DNAH7: variants seen among roughly 807,000 people sequenced by gnomAD.
DNAH7 encodes the protein dynein axonemal heavy chain 7.
In DNAH7, 397 loss-of-function variants were observed where a neutral mutation model predicts 444.6. That is an observed-to-expected ratio of 0.89 (90% CI 0.82 to 0.97). The LOEUF (loss-of-function observed/expected upper bound fraction) is 0.97. DNAH7 is among the 50% of genes least tolerant of loss of function. DNAH7 has a pLI of 0.00. For missense variants in DNAH7, 4,902 were observed against 4,800.8 expected, an observed-to-expected ratio of 1.02 and a Z score of -0.62; for synonymous variants, 1,636 against 1,624.4, an observed-to-expected ratio of 1.01 and a Z score of -0.17.
At chr2:195,956,253 T>C (rs1232844781) in intron 19 of DNAH7, among the ~76,000 whole-genome samples, 1 of 152,182 alleles carries the variant, frequency 6.6e-6, no homozygotes, top group Non-Finnish European at 1.5e-5. Context: ...TTATATTTTA[T>C]CAAAATACCA....
chr2:195,956,639 A>G (rs973900106), intron 19 of DNAH7, among the ~76,000 whole-genome samples: 3 of 139,228 alleles, frequency 2.2e-5, no homozygotes, highest in Admixed American at 2.1e-4. Flanking sequence ...TGACAGAGCG[A>G]GACTCTGTCT....
At chr2:195,936,272 G>A (rs1251950616) in intron 20 of DNAH7, among the ~76,000 whole-genome samples, 1 of 152,148 alleles carries the variant, frequency 6.6e-6, no homozygotes, top group Non-Finnish European at 1.5e-5. Flanking sequence ...TACTCGGGAA[G>A]CTGAGGCAGA....
intron 51 of DNAH7, among the ~76,000 whole-genome samples, chr2:195,813,729 T>A (rs1179541087): frequency 6.6e-6 from 1 of 152,244 alleles, no homozygotes; most frequent in Non-Finnish European, 1.5e-5. Flanking sequence ...TCTCTGATTA[T>A]GTGTCATGTT....
At chr2:195,886,841 A>T (rs901310213) in intron 33 of DNAH7, among the ~76,000 whole-genome samples, 2 of 152,198 alleles carry the variant, frequency 1.3e-5, no homozygotes, top group African/African-American at 2.4e-5. Context: ...GCAAGTTCTC[A>T]TAGGCGTTTG....
chr2:196,005,338 CAAG>C (rs919576500), intron 10 of DNAH7, among the ~76,000 whole-genome samples: 1 of 150,370 alleles, frequency 6.7e-6, no homozygotes, highest in Non-Finnish European at 1.5e-5. Context: ...AAACTCAAAA[CAAG>C]AAGGAGAAGG....
At chr2:195,884,888 GC>G in intron 34 of DNAH7, 79 bp from the exon 35 acceptor site, 1 of 1,165,710 alleles carries the variant, frequency 8.6e-7, no homozygotes, top group Non-Finnish European at 1.2e-6. Context: ...TATCAGATCA[GC>G]CAGATTAGTA....
At chr2:195,959,990 TACAGAAGTTA>T (rs1433178231) in intron 18 of DNAH7, among the ~76,000 whole-genome samples, 12 of 152,190 alleles carry the variant, frequency 7.9e-5, no homozygotes, top group Non-Finnish European at 2.9e-5. Context: ...TTGTTATGAA[TACAGAAGTTA>T]ACAAACCATT....
At chr2:196,049,354 T>C (rs1188240156) in intron 3 of DNAH7, among the ~76,000 whole-genome samples, 1 of 152,144 alleles carries the variant, frequency 6.6e-6, no homozygotes, top group Admixed American at 6.5e-5. Flanking sequence ...TTCTCAACTC[T>C]CGTCTTGCTC....
chr2:195,842,736 G>A (rs990455095), intron 47 of DNAH7, among the ~76,000 whole-genome samples: 7 of 152,056 alleles, frequency 4.6e-5, no homozygotes, highest in African/African-American at 1.2e-4. Flanking sequence ...TGAGTGTGCT[G>A]TCTTGAAAAA....
At chr2:196,036,673 C>T (rs1402023652) in intron 5 of DNAH7, among the ~76,000 whole-genome samples, 1 of 151,988 alleles carries the variant, frequency 6.6e-6, no homozygotes, top group Non-Finnish European at 1.5e-5. Context: ...TGCCCACCTG[C>T]CCTACCCTGG....
In DNAH7 at chr2:196,012,796, A is replaced by C; in HGVS notation, c.980T>G (p.Leu327Arg). Residue 327 changes from leucine to arginine, a missense_variant, in exon 10 of 65, where the codon CTA becomes CGA. Coordinates refer to ENST00000312428, the MANE Select transcript of DNAH7 (RefSeq NM_018897.3). ...AATTTCAAACCTTTACATTTTAAGTAGAGTCTCTTTGGCAGAGTCCATGTG... is the reference window on the plus strand; with the variant it reads ...AATTTCAAACCTTTACATTTTAAGTCGAGTCTCTTTGGCAGAGTCCATGTG... Reference protein sequence around the residue: ...MRHMDSAKETLLKMWFPEVQN... With the variant: ...MRHMDSAKETRLKMWFPEVQN... 1 of 1,599,912 alleles carries C rather than the reference A, an allele frequency of 6.3e-7. No individual in the cohort carries two copies. Among genetic ancestry groups the C allele is most frequent in the South Asian group, 1.1e-5 (1 of 88,676 alleles).
At chr2:195,790,759 A>AC (rs1344880576) in intron 57 of DNAH7, among the ~76,000 whole-genome samples, 52 of 152,154 alleles carry the variant, frequency 3.4e-4, no homozygotes, top group Admixed American at 3.4e-3. Context: ...CCAAGGAAAT[A>AC]CCCTTCTCAA....
intron 58 of DNAH7, among the ~76,000 whole-genome samples, chr2:195,781,569 G>A (rs1326028079): frequency 1.3e-5 from 2 of 152,102 alleles, no homozygotes; most frequent in South Asian, 2.1e-4. Context: ...CAAGAGGGTT[G>A]AGACAATGAG....
chr2:195,970,146 G>A, intron 16 of DNAH7, 52 bp from the exon 17 acceptor site: 1 of 1,518,222 alleles, frequency 6.6e-7, no homozygotes, highest in East Asian at 2.4e-5. Flanking sequence ...ACCCCTTGCT[G>A]TCAAAAAATT....
intron 61 of DNAH7, among the ~76,000 whole-genome samples, chr2:195,767,632 TTAAAAA>T (rs1315842968): frequency 1.3e-5 from 2 of 152,000 alleles, no homozygotes; most frequent in African/African-American, 2.4e-5. Flanking sequence ...AATAATTAAA[TTAAAAA>T]TAAAGTTAAG....
At chr2:195,986,951 C>G in intron 14 of DNAH7, 115 bp downstream of exon 14, 2 of 946,706 alleles carry the variant, frequency 2.1e-6, no homozygotes, top group South Asian at 5.2e-5. Flanking sequence ...TTAGCATAAT[C>G]ATTTCTTTGG....
At chr2:195,970,971 C>T (rs957538787) in intron 16 of DNAH7, among the ~76,000 whole-genome samples, 2 of 151,992 alleles carry the variant, frequency 1.3e-5, no homozygotes, top group African/African-American at 4.8e-5. Context: ...TAATTCTGGG[C>T]CACTTAGCAA....
In DNAH7 at chr2:195,861,735, AAC is replaced by A; in HGVS notation, c.7716_7717del (p.Leu2573ValfsTer7). 1 of 1,610,198 alleles carries A rather than the reference AAC, an allele frequency of 6.2e-7. No individual in the cohort carries two copies. Among genetic ancestry groups the A allele is most frequent in the Non-Finnish European group, 8.5e-7 (1 of 1,177,464 alleles). ...TTTTTACCTTCTTTTCTTTTCTAAC[AAC>A]AGTTTGAAGGTGGAGATTAATTCGA... On this transcript the variant is annotated frameshift_variant, in exon 42 of 65. Coordinates refer to ENST00000312428, the MANE Select transcript of DNAH7 (RefSeq NM_018897.3). LOFTEE classifies it high-confidence loss of function.
At chr2:195,985,251 C>G (rs990636366) in intron 14 of DNAH7, among the ~76,000 whole-genome samples, 1 of 152,000 alleles carries the variant, frequency 6.6e-6, no homozygotes, top group Admixed American at 6.6e-5. Context: ...TCAAATGAAA[C>G]GAATAGAACA....
Sources: gnomAD v4.1 joint callset for allele counts (sites outside exome capture counted in the v4.1 genomes callset) on GRCh38, gnomAD v4.1.1 for gene constraint, MANE v1.5 for transcripts, NCBI Gene and HGNC (gene_info 2026-07-23, HGNC 2026-07-21) for gene names.